Variants in C14orf132 observed in about 807,000 individuals in gnomAD.
C14orf132 encodes the protein chromosome 14 open reading frame 132.
A neutral mutation model predicts 5.8 loss-of-function variants in C14orf132; 6 were observed. The ratio of observed to expected loss-of-function variants is 1.03; its 90% CI spans 0.57 to 2.04. The LOEUF (loss-of-function observed/expected upper bound fraction) is 2.04, where lower values mean the gene tolerates loss of function less well. Ranked by LOEUF, C14orf132 falls within the 30% of genes most tolerant of loss-of-function variation. C14orf132 has a pLI of 0.00. For missense variants in C14orf132, 125 were observed against 115.8 expected, an observed-to-expected ratio of 1.08 and a Z score of -0.37; for synonymous variants, 51 against 49.8, an observed-to-expected ratio of 1.02 and a Z score of -0.10.
intron 1 of C14orf132, among the ~76,000 whole-genome samples, chr14:96,061,057 T>C (rs547885892): frequency 6.6e-6 from 1 of 151,900 alleles, no homozygotes; most frequent in East Asian, 1.9e-4. Flanking sequence ...CTACTAATGC[T>C]ACTAAAACTA....
intron 1 of C14orf132, among the ~76,000 whole-genome samples, chr14:96,067,146 G>T (rs2139665239): frequency 6.6e-6 from 1 of 152,310 alleles, no homozygotes; most frequent in Admixed American, 6.5e-5. Context: ...CCCAGAAGGG[G>T]CTCAGGAGAG....
intron 1 of C14orf132, among the ~76,000 whole-genome samples, chr14:96,074,888 T>C (rs751057151): frequency 2.0e-5 from 3 of 152,196 alleles, no homozygotes; most frequent in Non-Finnish European, 2.9e-5. Context: ...AAAATTGTTT[T>C]GATTATGCTT....
intron 1 of C14orf132, among the ~76,000 whole-genome samples, chr14:96,062,923 C>A (rs1199128306): frequency 6.6e-6 from 1 of 152,098 alleles, no homozygotes; most frequent in Admixed American, 6.5e-5. Flanking sequence ...CCCAAACAAG[C>A]CACTGAGCAT....
intron 1 of C14orf132, among the ~76,000 whole-genome samples, chr14:96,064,737 T>C (rs2139662716): frequency 6.6e-6 from 1 of 152,142 alleles, no homozygotes; most frequent in East Asian, 1.9e-4. Flanking sequence ...GCTCGGGTGA[T>C]GAGTGCACCA....
intron 1 of C14orf132, among the ~76,000 whole-genome samples, chr14:96,067,447 G>A (rs993869938): frequency 6.6e-6 from 1 of 152,008 alleles, no homozygotes; most frequent in Non-Finnish European, 1.5e-5. Context: ...CTAAAAATTA[G>A]TGTGCACTCT....
At position 96,055,649 on chromosome 14, in the gene C14orf132, G is replaced by A. The variant is rs891539607; in HGVS notation, c.27+16122G>A. Among the ~76,000 whole-genome samples, 4 of 152,300 alleles carry A rather than the reference G, an allele frequency of 2.6e-5. No individual in the cohort carries two copies. The East Asian group carries it at 5.8e-4, about 22-fold the overall frequency. On this transcript the variant is annotated intron_variant, in intron 1 of 1. Coordinates refer to ENST00000555004, the MANE Select transcript of C14orf132 (RefSeq NM_001252507.3). ...CCTCCGTTTTCCGCAGCCTGTAAGA[G>A]GAGGTATAATTCCTATCTTCCAGAA...
Position 96,086,808 on chromosome 14 carries a change from C to T in C14orf132, c.*73C>T. The T allele has an allele frequency of 7.0e-7, 1 of 1,420,082 alleles. No individual in the cohort carries two copies. The highest frequency in any genetic ancestry group is 9.5e-7 in the Non-Finnish European group (1 of 1,051,984). 88.0% of individuals were successfully genotyped at this position (1,420,082 alleles called of 1,614,324 possible). On this transcript the variant is annotated 3_prime_UTR_variant, in exon 2 of 2. Coordinates refer to ENST00000555004, the MANE Select transcript of C14orf132 (RefSeq NM_001252507.3). ...CTGACTTGCTGTCGGCCTTTGGCTT[C>T]TCCTGTGTTCTAGAACCAGGAGTTT...
chr14:96,086,389 T>C, intron 1 of C14orf132, 122 bp from the exon 2 acceptor site: 3 of 788,488 alleles, frequency 3.8e-6, no homozygotes, highest in Non-Finnish European at 5.9e-6. Context: ...AGCCCCATTT[T>C]GCAGGTGCAG....
chr14:96,061,218 A>G (rs1278604153), intron 1 of C14orf132, among the ~76,000 whole-genome samples: 1 of 152,112 alleles, frequency 6.6e-6, no homozygotes, highest in African/African-American at 2.4e-5. Flanking sequence ...CATTACCCAC[A>G]TTTAGAGATA....
At position 96,088,516 on chromosome 14, in the gene C14orf132, G is replaced by A. The variant is rs189990458; in HGVS notation, c.*1781G>A. Reference sequence around the variant, plus strand: ...CTGGGGAGTTAGCCGCGGTGTGCGTGAATGGCTCTGTCTCCAGCAAGTCTC... The same window carrying A: ...CTGGGGAGTTAGCCGCGGTGTGCGTAAATGGCTCTGTCTCCAGCAAGTCTC... On this transcript the variant is annotated 3_prime_UTR_variant, in exon 2 of 2. Coordinates refer to ENST00000555004, the MANE Select transcript of C14orf132 (RefSeq NM_001252507.3). 1 of 152,488 alleles carries A rather than the reference G, an allele frequency of 6.6e-6. No homozygotes were observed. Among genetic ancestry groups the A allele is most frequent in the African/African-American group, 2.4e-5 (1 of 41,592 alleles). 9.4% of individuals were successfully genotyped at this position (152,488 alleles called of 1,614,324 possible). A position where few individuals can be genotyped will look rare whatever the true frequency, so the allele number is the denominator to read the frequency against.
chr14:96,075,203 T>C (rs932384382), intron 1 of C14orf132, among the ~76,000 whole-genome samples: 3 of 152,210 alleles, frequency 2.0e-5, no homozygotes, highest in Non-Finnish European at 4.4e-5. Flanking sequence ...AAAGTTCATA[T>C]TGTTTGTTGC....
At position 96,078,062 on chromosome 14, in the gene C14orf132, T is replaced by C. The variant is rs532052247; in HGVS notation, c.28-8449T>C. Reference sequence around the variant, plus strand: ...ACCCTCTGGCTGCAAAGCCTGCGTTTCTGCCCGCTGCATCCTCATGTGCTG... The same window carrying C: ...ACCCTCTGGCTGCAAAGCCTGCGTTCCTGCCCGCTGCATCCTCATGTGCTG... On this transcript the variant is annotated intron_variant, in intron 1 of 1. Coordinates refer to ENST00000555004, the MANE Select transcript of C14orf132 (RefSeq NM_001252507.3). Among the ~76,000 whole-genome samples, 6 of 152,366 alleles carry C rather than the reference T, an allele frequency of 3.9e-5. No individual in the cohort carries two copies. In the South Asian group the frequency reaches 1.2e-3, roughly 32 times the overall value.
chr14:96,073,043 A>G (rs1887757067), intron 1 of C14orf132, among the ~76,000 whole-genome samples: 2 of 152,218 alleles, frequency 1.3e-5, no homozygotes, highest in South Asian at 4.1e-4. Flanking sequence ...TTAACTTTGT[A>G]AGAACTGGCT....
At chr14:96,049,887 A>G (rs1595169786) in intron 1 of C14orf132, among the ~76,000 whole-genome samples, 1 of 151,410 alleles carries the variant, frequency 6.6e-6, no homozygotes, top group Non-Finnish European at 1.5e-5. Flanking sequence ...AGCCCCACCC[A>G]ATGTACTTTT....
At position 96,058,185 on chromosome 14, in the gene C14orf132, G is replaced by A. The variant is rs955442528; in HGVS notation, c.27+18658G>A. Among the ~76,000 whole-genome samples, 8 of 152,150 alleles carry A rather than the reference G, an allele frequency of 5.3e-5. No individual in the cohort carries two copies. In the East Asian group the frequency reaches 1.6e-3, roughly 30 times the overall value. ...GCTCAGGGTCTCCACTCTCCTCCCT[G>A]CCCGCACTTCGTGAGGCACATCCTC... On this transcript the variant is annotated intron_variant, in intron 1 of 1. Transcript: ENST00000555004.
chr14:96,043,000 C>T (rs1404508132), intron 1 of C14orf132, among the ~76,000 whole-genome samples: 1 of 152,208 alleles, frequency 6.6e-6, no homozygotes, highest in African/African-American at 2.4e-5. Context: ...GTCCAAAATC[C>T]CTGTTTCATT....
intron 1 of C14orf132, among the ~76,000 whole-genome samples, chr14:96,067,694 C>T (rs889423155): frequency 4.7e-5 from 7 of 149,328 alleles, no homozygotes; most frequent in South Asian, 2.1e-4. Flanking sequence ...AGTGAAACTC[C>T]GCCTAAAAAA....
intron 1 of C14orf132, among the ~76,000 whole-genome samples, chr14:96,069,101 G>A (rs1475648058): frequency 1.3e-5 from 2 of 150,606 alleles, no homozygotes; most frequent in African/African-American, 2.5e-5. Flanking sequence ...CCAGCTTGCC[G>A]GTGACAGATG....
chr14:96,049,854 A>G (rs1404337451), intron 1 of C14orf132, among the ~76,000 whole-genome samples: 1 of 150,618 alleles, frequency 6.6e-6, no homozygotes, highest in Non-Finnish European at 1.5e-5. Flanking sequence ...TTCTTCTGCA[A>G]TATCTAATCT....
Sources: allele counts gnomAD v4.1 joint callset (sites outside exome capture counted in the v4.1 genomes callset), GRCh38; gene constraint gnomAD v4.1.1; transcripts MANE v1.5; gene names NCBI Gene and HGNC (gene_info 2026-07-23, HGNC 2026-07-21).